UNC13C: variants seen among roughly 807,000 people sequenced by gnomAD.
UNC13C encodes the protein protein unc-13 homolog C.
In UNC13C, 174 loss-of-function variants were observed where a neutral mutation model predicts 245.4. That is an observed-to-expected ratio of 0.71 (90% confidence interval 0.63 to 0.80). The LOEUF (loss-of-function observed/expected upper bound fraction) is 0.80, where lower values mean the gene tolerates loss of function less well. UNC13C is among the 30% of genes least tolerant of loss of function. The pLI is 0.00. For synonymous variants in UNC13C, 992 were observed against 895.1 expected (o/e 1.11, Z -1.93); for missense variants, 2,829 against 2,602.9 (o/e 1.09, Z -1.89).
intron 19 of UNC13C, among the ~76,000 whole-genome samples, chr15:54,444,668 G>T (rs982385552): frequency 6.6e-6 from 1 of 151,454 alleles, no homozygotes; most frequent in Non-Finnish European, 1.5e-5. Context: ...TAACATTTAC[G>T]TCCTTTCTCT....
intron 30 of UNC13C, among the ~76,000 whole-genome samples, chr15:54,607,557 A>C (rs890209893): frequency 3.3e-5 from 5 of 152,174 alleles, no homozygotes; most frequent in Admixed American, 6.6e-5. Context: ...ACAAGGTATT[A>C]GTCCATTCTC....
At chr15:54,622,608 T>C (rs545539282) in intron 31 of UNC13C, among the ~76,000 whole-genome samples, 189 bp downstream of exon 31, 1 of 152,342 alleles carries the variant, frequency 6.6e-6, no homozygotes, top group Admixed American at 6.5e-5. Flanking sequence ...ATGTTTAGCA[T>C]GCATTATTCA....
At chr15:53,948,937 T>C in the UNC13C span, among the ~76,000 whole-genome samples, 1 of 152,140 alleles carries the variant, frequency 6.6e-6, no homozygotes, top group Admixed American at 6.6e-5. Flanking sequence ...GAATTTATTC[T>C]TTACACAGGA....
chr15:54,616,590 C>G (rs1037141389), intron 30 of UNC13C, among the ~76,000 whole-genome samples: 4 of 151,730 alleles, frequency 2.6e-5, no homozygotes, highest in Non-Finnish European at 4.4e-5. Flanking sequence ...AAAAAAAAGT[C>G]TTTAAAATAG....
intron 2 of UNC13C, among the ~76,000 whole-genome samples, chr15:54,069,726 C>T (rs1292860717): frequency 6.6e-6 from 1 of 152,186 alleles, no homozygotes; most frequent in Non-Finnish European, 1.5e-5. Flanking sequence ...ATACAAGTTA[C>T]ACTGTAACGT....
intron 2 of UNC13C, among the ~76,000 whole-genome samples, chr15:54,028,210 CAATG>C (rs1221149224): frequency 6.6e-6 from 1 of 152,156 alleles, no homozygotes; most frequent in African/African-American, 2.4e-5. Flanking sequence ...ATAATGTACA[CAATG>C]AACTATTTTC....
intron 30 of UNC13C, among the ~76,000 whole-genome samples, chr15:54,610,075 G>A (rs906553277): frequency 6.6e-6 from 1 of 152,018 alleles, no homozygotes; most frequent in African/African-American, 2.4e-5. Context: ...GATTTGGGTG[G>A]GGACACAGCC....
intron 19 of UNC13C, among the ~76,000 whole-genome samples, chr15:54,476,781 T>C (rs1892767358): frequency 6.8e-6 from 1 of 146,896 alleles, no homozygotes; most frequent in African/African-American, 2.5e-5. Flanking sequence ...AGGATTGACT[T>C]GGTGATGCGG....
In UNC13C at chr15:54,055,888, A is replaced by G. The variant is rs542227561; in HGVS notation, c.2983+40002A>G. ...ACAGCTGGAAATTTCAGGACACCTG[A>G]TGATGAAAGAAGAAAAATACTCAAA... On this transcript the variant is annotated intron_variant, in intron 2 of 32. Coordinates refer to ENST00000260323, the MANE Select transcript of UNC13C (RefSeq NM_001080534.3). Among the ~76,000 whole-genome samples the G allele has an allele frequency of 2.0e-5, 3 of 152,296 alleles. No homozygotes were observed. The South Asian group carries it at 6.2e-4, about 32-fold the overall frequency.
intron 13 of UNC13C, among the ~76,000 whole-genome samples, chr15:54,319,672 T>C (rs567966304): frequency 6.8e-6 from 1 of 146,566 alleles, no homozygotes; most frequent in African/African-American, 2.6e-5. Flanking sequence ...TTTTTGTGAG[T>C]GCCACTCAGG....
rs1228674297 is a variant in UNC13C, at chr15:54,273,516, T to G, written c.3818+8020T>G. Among the ~76,000 whole-genome samples the G allele has an allele frequency of 2.0e-5, 3 of 152,172 alleles. No individual in the cohort carries two copies. In the East Asian group the frequency reaches 5.8e-4, roughly 29 times the overall value. On this transcript the variant is annotated intron_variant, in intron 10 of 32. Coordinates refer to ENST00000260323, the MANE Select transcript of UNC13C (RefSeq NM_001080534.3). ...CTCAGTTTGCTGCTGGAAACCTATT[T>G]GGGTTTTTCAATAATTAGCTCAGTT... is the stretch of plus-strand genomic sequence containing the variant.
intron 17 of UNC13C, among the ~76,000 whole-genome samples, chr15:54,387,356 AC>A (rs1173076847): frequency 2.6e-5 from 4 of 152,158 alleles, no homozygotes; most frequent in Non-Finnish European, 4.4e-5. Context: ...TTTCCTTTAA[AC>A]CATGTAAGAT....
chr15:54,338,521 C>T, intron 17 of UNC13C, 32 bp downstream of exon 17: 2 of 1,605,078 alleles, frequency 1.2e-6, no homozygotes, highest in Non-Finnish European at 1.7e-6. Context: ...TTATAATCGC[C>T]ACTTTTGTTT....
chr15:54,117,712 T>A lies in UNC13C; in HGVS notation c.2984-25306T>A, dbSNP rs1290176432. Among the ~76,000 whole-genome samples the A allele has an allele frequency of 2.0e-5, 3 of 152,174 alleles. No homozygotes were observed. The East Asian group carries it at 5.8e-4, about 30-fold the overall frequency. On this transcript the variant is annotated intron_variant, in intron 2 of 32. Coordinates refer to ENST00000260323, the MANE Select transcript of UNC13C (RefSeq NM_001080534.3). The stretch of plus-strand genomic sequence containing the variant: ...TCTCCTGCCTCTGCCTCCTGAGTAC[T>A]TGGGGCTACCGGCACATGCCACTAG...
intron 4 of UNC13C, among the ~76,000 whole-genome samples, chr15:54,148,983 G>A (rs1490189943): frequency 6.6e-6 from 1 of 152,188 alleles, no homozygotes; most frequent in Admixed American, 6.5e-5. Flanking sequence ...ATCCCCATGT[G>A]TCAAGGAGGG....
rs114246216 is a variant in UNC13C at position 54,419,850 on chromosome 15, G to A, written c.4933+4783G>A. ...AACTCAATTCAGAGTCTGTGTTGTC[G>A]TGAATACAGCTGGTCTCTCACTGTT... On this transcript the variant is annotated intron_variant, in intron 19 of 32. Transcript: ENST00000260323. Among the ~76,000 whole-genome samples the A allele has an allele frequency of 5.1e-3, 782 of 152,130 alleles. 7 individuals are homozygous for A. Among genetic ancestry groups the A allele is most frequent in the African/African-American group, 0.018 (731 of 41,528 alleles).
the UNC13C span, among the ~76,000 whole-genome samples, chr15:53,894,678 C>T: frequency 6.6e-6 from 1 of 152,166 alleles, no homozygotes; most frequent in Admixed American, 6.5e-5. Flanking sequence ...AATAGACCCC[C>T]ATTTATTTAT....
intron 26 of UNC13C, among the ~76,000 whole-genome samples, chr15:54,533,810 T>G (rs947513524): frequency 6.6e-6 from 1 of 152,204 alleles, no homozygotes; most frequent in South Asian, 2.1e-4. Flanking sequence ...ATTTGTAATG[T>G]GTCCACAGTT....
the UNC13C span, among the ~76,000 whole-genome samples, chr15:53,909,480 G>A: frequency 2.0e-5 from 3 of 146,654 alleles, no homozygotes; most frequent in Non-Finnish European, 3.1e-5. Context: ...GTGGCCGGGC[G>A]TGGTGGCTCA....
Sources: gnomAD v4.1 joint callset for allele counts (sites outside exome capture counted in the v4.1 genomes callset) on GRCh38, gnomAD v4.1.1 for gene constraint, MANE v1.5 for transcripts, NCBI Gene and HGNC (gene_info 2026-07-23, HGNC 2026-07-21) for gene names.